The following EIF2B3 variants were observed in gnomAD, a reference collection of about 807,000 sequenced individuals.
The protein encoded by EIF2B3 is eukaryotic translation initiation factor 2B subunit gamma.
A neutral mutation model predicts 54.1 loss-of-function variants in EIF2B3; 20 were observed. The observed-to-expected ratio is 0.37, with a 90% CI of 0.26 to 0.54. The LOEUF is 0.54. Ranked by LOEUF, EIF2B3 falls within the 20% of genes least tolerant of loss-of-function variation. EIF2B3 has a pLI of 0.86. For missense variants in EIF2B3, 448 were observed against 547.8 expected, an observed-to-expected ratio of 0.82 and a Z score of 1.82; for synonymous variants, 153 against 188.1, an observed-to-expected ratio of 0.81 and a Z score of 1.52.
chr1:44,885,201 T>A (rs1485552508), intron 6 of EIF2B3, among the ~76,000 whole-genome samples: 1 of 152,092 alleles, frequency 6.6e-6, no homozygotes, highest in Admixed American at 6.6e-5. Context: ...TCTCAAGCAA[T>A]CACAAAGGAG....
intron 10 of EIF2B3, among the ~76,000 whole-genome samples, chr1:44,864,994 G>C (rs1330395674): frequency 6.6e-6 from 1 of 152,206 alleles, no homozygotes; most frequent in Admixed American, 6.5e-5. Context: ...AAGGCAGGGG[G>C]ATCACTTGAG....
intron 8 of EIF2B3, among the ~76,000 whole-genome samples, chr1:44,876,373 G>A: frequency 6.8e-6 from 1 of 146,010 alleles, no homozygotes; most frequent in African/African-American, 2.5e-5. Flanking sequence ...TCTGGGATGT[G>A]AGGAGCGCCT....
intron 8 of EIF2B3, among the ~76,000 whole-genome samples, chr1:44,878,543 G>C (rs11211051): frequency 6.6e-6 from 1 of 151,866 alleles, no homozygotes; most frequent in African/African-American, 2.4e-5. Flanking sequence ...GATTACAGGC[G>C]TGAGCCACTG....
At chr1:44,977,767 T>A (rs1644467942) in intron 3 of EIF2B3, among the ~76,000 whole-genome samples, 1 of 152,196 alleles carries the variant, frequency 6.6e-6, no homozygotes, top group African/African-American at 2.4e-5. Flanking sequence ...GCCTAGAGTA[T>A]GTCTTTTTTT....
At chr1:44,925,685 T>C (rs914394488) in intron 5 of EIF2B3, among the ~76,000 whole-genome samples, 3 of 151,728 alleles carry the variant, frequency 2.0e-5, no homozygotes, top group African/African-American at 7.2e-5. Flanking sequence ...CCCAGCACTT[T>C]GGGGGCTGAG....
intron 5 of EIF2B3, among the ~76,000 whole-genome samples, chr1:44,918,974 CCTCAT>C (rs1643682610): frequency 6.6e-6 from 1 of 152,174 alleles, no homozygotes; most frequent in Admixed American, 6.5e-5. Context: ...AACATACTAA[CCTCAT>C]CTCATCATTC....
rs34226720 is a variant in EIF2B3, at chr1:44,900,445, C to CAAAA, written c.567-3005_567-3002dup. Among the ~76,000 whole-genome samples the CAAAA allele has an allele frequency of 1.4e-3, 61 of 43,554 alleles. 2 individuals are homozygous for CAAAA. Among genetic ancestry groups the CAAAA allele is most frequent in the Middle Eastern group, 0.012 (1 of 86 alleles). The allele number at this position is 43,554 out of a possible 152,430, so 28.6% of individuals were successfully genotyped here. On this transcript the variant is annotated intron_variant, in intron 5 of 11. Coordinates refer to ENST00000360403, the MANE Select transcript of EIF2B3 (RefSeq NM_020365.5). The stretch of plus-strand genomic sequence containing the variant: ...CTGGGCAACAGAGCGAGAATCATCT[C>CAAAA]AAAAAAAAAAAAAAAAAAAAAAAGG...
At chr1:44,852,345 C>G (rs182230442) in intron 11 of EIF2B3, among the ~76,000 whole-genome samples, 2 of 152,262 alleles carry the variant, frequency 1.3e-5, no homozygotes, top group Non-Finnish European at 2.9e-5. Flanking sequence ...ACTCTTACTA[C>G]CCTATGTGCC....
At chr1:44,869,593 C>CTTT (rs60006087) in intron 10 of EIF2B3, among the ~76,000 whole-genome samples, 195 of 71,242 alleles carry the variant, frequency 2.7e-3, no homozygotes, top group Non-Finnish European at 3.5e-3. Flanking sequence ...GAGGTAAGGC[C>CTTT]TTTTTTTTTT....
intron 10 of EIF2B3, among the ~76,000 whole-genome samples, chr1:44,860,317 C>A (rs1175546115): frequency 6.6e-6 from 1 of 152,144 alleles, no homozygotes; most frequent in Non-Finnish European, 1.5e-5. Flanking sequence ...GCCTGGCTAA[C>A]AAATCTAGTA....
At chr1:44,883,094 A>C (rs1266870853) in intron 6 of EIF2B3, among the ~76,000 whole-genome samples, 1 of 151,114 alleles carries the variant, frequency 6.6e-6, no homozygotes, top group East Asian at 2.0e-4. Context: ...ATGCCTGGCT[A>C]ATTTTTGTAT....
At chr1:44,889,690 G>A (rs759786859) in intron 6 of EIF2B3, among the ~76,000 whole-genome samples, 4 of 151,882 alleles carry the variant, frequency 2.6e-5, no homozygotes, top group Admixed American at 6.6e-5. Context: ...CACCACACCT[G>A]GATAATTTTT....
At chr1:44,925,816 T>A (rs1017608145) in intron 5 of EIF2B3, among the ~76,000 whole-genome samples, 1 of 149,176 alleles carries the variant, frequency 6.7e-6, no homozygotes, top group Non-Finnish European at 1.5e-5. Context: ...CCCAGCTGCT[T>A]GGGAGGCTGA....
chr1:44,939,708 T>C (rs1384664111), intron 4 of EIF2B3, among the ~76,000 whole-genome samples: 1 of 151,730 alleles, frequency 6.6e-6, no homozygotes, highest in Non-Finnish European at 1.5e-5. Flanking sequence ...TAATGATACT[T>C]AAGACATAAA....
At chr1:44,933,217 G>A (rs1237201314) in intron 4 of EIF2B3, among the ~76,000 whole-genome samples, 1 of 152,052 alleles carries the variant, frequency 6.6e-6, no homozygotes, top group Non-Finnish European at 1.5e-5. Flanking sequence ...GGAGGAAAGA[G>A]AAAAGTAATC....
At chr1:44,858,953 G>C (rs967721141) in intron 10 of EIF2B3, among the ~76,000 whole-genome samples, 12 of 152,236 alleles carry the variant, frequency 7.9e-5, no homozygotes, top group Non-Finnish European at 1.5e-4. Flanking sequence ...AGACCCTAAA[G>C]CATACACCAA....
chr1:44,955,852 C>T (rs1644218024), intron 3 of EIF2B3, among the ~76,000 whole-genome samples: 1 of 152,128 alleles, frequency 6.6e-6, no homozygotes, highest in Non-Finnish European at 1.5e-5. Flanking sequence ...ATTAAAAAGT[C>T]AGGAAACAAC....
chr1:44,898,209 C>G (rs1050238617), intron 5 of EIF2B3, among the ~76,000 whole-genome samples: 16 of 152,178 alleles, frequency 1.1e-4, no homozygotes, highest in Non-Finnish European at 1.5e-4. Context: ...TAACTTGCTA[C>G]TCTTATTTAT....
Position 44,882,826 on chromosome 1 carries a change from G to C in EIF2B3, c.657-1087C>G, listed in dbSNP as rs567957973. On this transcript the variant is annotated intron_variant, in intron 6 of 11. Transcript: ENST00000360403. ...GATGGGGTTTTGCCATGTTGGCCAAGCTGGTCTCAAACTCCTGGCCTCAAG... is the reference window on the plus strand; with the variant it reads ...GATGGGGTTTTGCCATGTTGGCCAACCTGGTCTCAAACTCCTGGCCTCAAG... 1.3e-3 allele frequency among the ~76,000 whole-genome samples: 200 copies of C among 151,652 alleles called. 1 individual carries two copies. The highest frequency in any genetic ancestry group is 4.7e-3 in the African/African-American group (193 of 41,340).
Sources: gnomAD v4.1 joint callset for allele counts (sites outside exome capture counted in the v4.1 genomes callset) on GRCh38, gnomAD v4.1.1 for gene constraint, MANE v1.5 for transcripts, NCBI Gene and HGNC (gene_info 2026-07-23, HGNC 2026-07-21) for gene names.